STPG2: variants seen among roughly 807,000 people sequenced by gnomAD.
STPG2 encodes sperm tail PG-rich repeat containing 2, also known as sperm-tail PG-rich repeat-containing protein 2.
STPG2 carries 56 observed loss-of-function variants against 54.2 expected under a neutral mutation model. The observed-to-expected ratio is 1.03, with a 90% CI of 0.83 to 1.29. The LOEUF is 1.29. Ranked by LOEUF, STPG2 falls within the 50% of genes most tolerant of loss-of-function variation. STPG2 has a pLI of 0.00. For missense variants in STPG2, 596 were observed against 544.9 expected, an observed-to-expected ratio of 1.09 and a Z score of -0.93; for synonymous variants, 200 against 181.8, an observed-to-expected ratio of 1.10 and a Z score of -0.81.
chr4:97,472,304 G>A (rs536868905), intron 4 of STPG2, among the ~76,000 whole-genome samples: 7 of 152,188 alleles, frequency 4.6e-5, no homozygotes, highest in Non-Finnish European at 1.0e-4. Flanking sequence ...AAGTTTAAGA[G>A]ATAAAAACTC....
intron 10 of STPG2, among the ~76,000 whole-genome samples, chr4:97,677,046 T>A (rs575801492): frequency 7.2e-5 from 11 of 152,340 alleles, no homozygotes; most frequent in African/African-American, 2.4e-4. Flanking sequence ...GTTTTTACTT[T>A]TTGTTTTTTC....
At chr4:97,658,050 T>C (rs754666886) in intron 10 of STPG2, among the ~76,000 whole-genome samples, 8 of 152,194 alleles carry the variant, frequency 5.3e-5, no homozygotes, top group African/African-American at 1.7e-4. Context: ...CATTCCAATA[T>C]GGAGAATTCT....
intron 5 of STPG2, among the ~76,000 whole-genome samples, chr4:98,092,417 A>T (rs1304778618): frequency 2.0e-5 from 3 of 152,074 alleles, no homozygotes; most frequent in African/African-American, 7.2e-5. Flanking sequence ...AACCAAGGCC[A>T]CTACCACATA....
intron 9 of STPG2, among the ~76,000 whole-genome samples, chr4:97,785,420 G>T (rs1402382886): frequency 6.6e-6 from 1 of 151,996 alleles, no homozygotes; most frequent in Non-Finnish European, 1.5e-5. Context: ...ACCATTAAAA[G>T]AATGATTTCA....
chr4:97,848,980 T>C (rs71608704), intron 8 of STPG2, among the ~76,000 whole-genome samples: 81,842 of 143,432 alleles, frequency 0.57, 23,954 homozygotes, highest in East Asian at 0.73. Context: ...CTTGGCGATG[T>C]GGGCTCTTTT....
rs1055926760 is a variant in STPG2 at position 97,569,657 on chromosome 4, T to C, written c.1321-10540A>G. Among the ~76,000 whole-genome samples the C allele has an allele frequency of 2.6e-5, 4 of 152,098 alleles. No homozygotes were observed. In the South Asian group the frequency reaches 8.3e-4, roughly 31 times the overall value. On this transcript the variant is annotated intron_variant, in intron 10 of 10. Transcript: ENST00000295268. ...AGGGAGGGCTCTTCTTTATAGTAAA[T>C]AGCTAATAATATAATTGAAATTAGT...
intron 9 of STPG2, among the ~76,000 whole-genome samples, chr4:97,757,947 GC>G (rs2149050760): frequency 6.6e-6 from 1 of 152,256 alleles, no homozygotes; most frequent in South Asian, 2.1e-4. Flanking sequence ...TTACAAAGTT[GC>G]TTGTAAATGT....
At chr4:97,702,546 C>G (rs1723809595) in intron 10 of STPG2, among the ~76,000 whole-genome samples, 1 of 152,128 alleles carries the variant, frequency 6.6e-6, no homozygotes, top group South Asian at 2.1e-4. Flanking sequence ...TCAATATTAT[C>G]TTTCCTGGCA....
At chr4:97,907,088 C>T (rs1449171678) in intron 8 of STPG2, among the ~76,000 whole-genome samples, 1 of 152,026 alleles carries the variant, frequency 6.6e-6, no homozygotes, top group Non-Finnish European at 1.5e-5. Context: ...TCCCTGTTTG[C>T]AGACGACATG....
At chr4:97,834,466 C>A (rs532291555) in intron 9 of STPG2, among the ~76,000 whole-genome samples, 1 of 151,986 alleles carries the variant, frequency 6.6e-6, no homozygotes, top group African/African-American at 2.4e-5. Flanking sequence ...ATGTAACAAA[C>A]CTGCACACTC....
chr4:98,026,677 C>A (rs1240855043), intron 5 of STPG2, among the ~76,000 whole-genome samples: 1 of 152,282 alleles, frequency 6.6e-6, no homozygotes, highest in African/African-American at 2.4e-5. Flanking sequence ...TCCACTGACT[C>A]CAGTGAACTT....
chr4:97,580,073 T>C (rs1215050933), intron 10 of STPG2, among the ~76,000 whole-genome samples: 1 of 152,000 alleles, frequency 6.6e-6, no homozygotes, highest in African/African-American at 2.4e-5. Context: ...GGGTATTTAA[T>C]GCACTGGTGT....
chr4:97,895,819 T>A (rs1019937655), intron 8 of STPG2, among the ~76,000 whole-genome samples: 1 of 151,786 alleles, frequency 6.6e-6, no homozygotes, highest in Non-Finnish European at 1.5e-5. Flanking sequence ...TCTGTGGGAA[T>A]CACTTGGAGA....
At chr4:98,029,843 C>T (rs980442243) in intron 5 of STPG2, among the ~76,000 whole-genome samples, 1 of 152,162 alleles carries the variant, frequency 6.6e-6, no homozygotes, top group Non-Finnish European at 1.5e-5. Context: ...CTGGTTCCCA[C>T]TCAAAACTGC....
chr4:97,763,463 T>C (rs1490202440), intron 9 of STPG2, among the ~76,000 whole-genome samples: 4 of 152,202 alleles, frequency 2.6e-5, no homozygotes, highest in Non-Finnish European at 5.9e-5. Flanking sequence ...CCAACATGTT[T>C]CTAGTATTTA....
chr4:97,613,554 G>A (rs1733785966), intron 10 of STPG2, among the ~76,000 whole-genome samples: 1 of 150,700 alleles, frequency 6.6e-6, no homozygotes, highest in African/African-American at 2.4e-5. Context: ...GGGAATGGGG[G>A]GCATGGTTTA....
intron 7 of STPG2, among the ~76,000 whole-genome samples, chr4:97,954,577 AG>A (rs2149242991): frequency 6.6e-6 from 1 of 152,362 alleles, no homozygotes; most frequent in South Asian, 2.1e-4. Flanking sequence ...ACCTGATAGA[AG>A]GACCCTCAAA....
chr4:98,086,276 T>C (rs996760398), intron 5 of STPG2, among the ~76,000 whole-genome samples: 10 of 152,088 alleles, frequency 6.6e-5, no homozygotes, highest in Non-Finnish European at 1.5e-4. Flanking sequence ...AGTTAAGTAA[T>C]TTGCCCAAGG....
intron 10 of STPG2, among the ~76,000 whole-genome samples, chr4:97,576,500 A>C (rs1351811058): frequency 6.6e-6 from 1 of 152,128 alleles, no homozygotes; most frequent in Non-Finnish European, 1.5e-5. Flanking sequence ...GCAATGGGGA[A>C]AGGACTCCCT....
Sources: gnomAD v4.1 joint callset for allele counts (sites outside exome capture counted in the v4.1 genomes callset) on GRCh38, gnomAD v4.1.1 for gene constraint, MANE v1.5 for transcripts, NCBI Gene and HGNC (gene_info 2026-07-23, HGNC 2026-07-21) for gene names.